The following LRBA variants were observed in gnomAD, a reference collection of about 807,000 sequenced individuals.
LRBA encodes the protein lipopolysaccharide-responsive and beige-like anchor protein.
In LRBA, 176 loss-of-function variants were observed where a neutral mutation model predicts 330.0. The observed-to-expected ratio is 0.53, with a 90% confidence interval of 0.47 to 0.60. The LOEUF is 0.60. Among genes scored for constraint, LRBA ranks in the 20% least tolerant of loss-of-function variants. The pLI is 0.00. For missense variants in LRBA, 3,259 were observed against 3,444.8 expected, an observed-to-expected ratio of 0.95 and a Z score of 1.35; for synonymous variants, 1,230 against 1,193.0, an observed-to-expected ratio of 1.03 and a Z score of -0.64.
intron 16 of LRBA, among the ~76,000 whole-genome samples, chr4:150,894,893 T>C (rs1447814577): frequency 1.3e-5 from 2 of 152,132 alleles, no homozygotes; most frequent in Non-Finnish European, 2.9e-5. Flanking sequence ...AATCTAAAAA[T>C]TAATAGAATT....
intron 40 of LRBA, among the ~76,000 whole-genome samples, chr4:150,556,463 G>A (rs1767326578): frequency 6.6e-6 from 1 of 152,130 alleles, no homozygotes; most frequent in Admixed American, 6.5e-5. Flanking sequence ...TACATAGTTG[G>A]CATACTGGCA....
intron 44 of LRBA, among the ~76,000 whole-genome samples, chr4:150,467,336 C>G (rs1193897597): frequency 6.6e-6 from 1 of 152,072 alleles, no homozygotes; most frequent in Admixed American, 6.6e-5. Context: ...CAATGTACCA[C>G]TGGATACCCC....
chr4:150,427,651 G>C (rs771945014), intron 46 of LRBA, among the ~76,000 whole-genome samples: 109 of 152,000 alleles, frequency 7.2e-4, no homozygotes, highest in Admixed American at 1.2e-3. Flanking sequence ...GCATGAATAA[G>C]GATAAGATTT....
At chr4:150,811,584 C>T (rs1298943990) in intron 31 of LRBA, among the ~76,000 whole-genome samples, 1 of 152,136 alleles carries the variant, frequency 6.6e-6, no homozygotes, top group African/African-American at 2.4e-5. Flanking sequence ...CTCACCACAG[C>T]CCTGAGTTCC....
At chr4:150,733,792 G>A (rs1730825211) in intron 36 of LRBA, among the ~76,000 whole-genome samples, 1 of 152,168 alleles carries the variant, frequency 6.6e-6, no homozygotes, top group South Asian at 2.1e-4. Context: ...GTTACTGACT[G>A]TCAAAGAAAA....
At position 150,979,958 on chromosome 4, in the gene LRBA, A is replaced by C. The variant is rs147010717; in HGVS notation, c.216+34469T>G. On this transcript the variant is annotated intron_variant, in intron 2 of 56. Transcript: ENST00000651943. Reference sequence around the variant, plus strand: ...AAAAATAGGGGAGGGAATACTTCCAAACTCATTCAACATGGCCAGTATTAC... The same window carrying C: ...AAAAATAGGGGAGGGAATACTTCCACACTCATTCAACATGGCCAGTATTAC... Among the ~76,000 whole-genome samples, 14 of 152,304 alleles carry C rather than the reference A, an allele frequency of 9.2e-5. No homozygotes were observed. In the East Asian group the frequency reaches 2.7e-3, roughly 29 times the overall value.
chr4:150,917,622 A>T (rs1407359411), intron 5 of LRBA, among the ~76,000 whole-genome samples: 1 of 152,160 alleles, frequency 6.6e-6, no homozygotes, highest in Non-Finnish European at 1.5e-5. Context: ...TTGTATAGCC[A>T]AAACAATCTT....
In LRBA at chr4:150,642,435, T is replaced by C. The variant is rs1778771977; in HGVS notation, c.5921+41116A>G. Among the ~76,000 whole-genome samples the C allele has an allele frequency of 2.6e-5, 4 of 152,020 alleles. 1 individual carries two copies. The South Asian group carries it at 8.3e-4, about 32-fold the overall frequency. On this transcript the variant is annotated intron_variant, in intron 37 of 56. Transcript: ENST00000651943. Reference sequence around the variant, plus strand: ...TTTCCATAAATTAATACTAAAATATTCATATTCCATTTTCTAAGGTAAACA... The same window carrying C: ...TTTCCATAAATTAATACTAAAATATCCATATTCCATTTTCTAAGGTAAACA...
At chr4:150,660,861 T>C (rs1581966341) in intron 37 of LRBA, among the ~76,000 whole-genome samples, 2 of 118,250 alleles carry the variant, frequency 1.7e-5, no homozygotes, top group Admixed American at 8.7e-5. Context: ...AAACAGATGC[T>C]TGAAGGCAGC....
intron 44 of LRBA, among the ~76,000 whole-genome samples, chr4:150,452,213 A>G (rs982866077): frequency 6.6e-6 from 1 of 152,210 alleles, no homozygotes; most frequent in Non-Finnish European, 1.5e-5. Context: ...ATACATCACA[A>G]TCTGGTTTAT....
chr4:150,871,517 G>T, intron 18 of LRBA, 64 bp from the exon 19 acceptor site: 1 of 891,396 alleles, frequency 1.1e-6, no homozygotes, highest in Non-Finnish European at 1.9e-6. Flanking sequence ...TAATATGCAT[G>T]CTGGATGAAG....
chr4:150,798,275 T>C (rs1741095138), intron 33 of LRBA, 133 bp from the exon 34 acceptor site: 2 of 601,294 alleles, frequency 3.3e-6, no homozygotes, highest in Admixed American at 2.6e-5. Flanking sequence ...CATGATCAAA[T>C]AAGGTACACT....
At chr4:150,775,805 G>GAAAAAAAAAAAAAAAAAAAAAAGAAAA (rs1737236648) in intron 34 of LRBA, among the ~76,000 whole-genome samples, 1 of 59,966 alleles carries the variant, frequency 1.7e-5, no homozygotes, top group Admixed American at 2.1e-4. Context: ...AAGAAAGAAT[G>GAAAAAAAAAAAAAAAAAAAAAAGAAAA]AAAAAAAAAA....
chr4:150,503,148 G>T (rs1760526814), intron 40 of LRBA, among the ~76,000 whole-genome samples: 2 of 152,242 alleles, frequency 1.3e-5, no homozygotes, highest in Non-Finnish European at 2.9e-5. Context: ...CAAACAAAAT[G>T]ACAGCAGTAA....
At chr4:150,678,601 G>A (rs1386659628) in intron 37 of LRBA, among the ~76,000 whole-genome samples, 1 of 152,102 alleles carries the variant, frequency 6.6e-6, no homozygotes, top group East Asian at 1.9e-4. Flanking sequence ...TCTTCCATTT[G>A]TTTTGTTAGC....
chr4:150,330,878 T>C (rs1272866360), intron 48 of LRBA, among the ~76,000 whole-genome samples: 1 of 152,206 alleles, frequency 6.6e-6, no homozygotes, highest in African/African-American at 2.4e-5. Flanking sequence ...GGAACCCTTA[T>C]GGCTCATCTA....
intron 2 of LRBA, among the ~76,000 whole-genome samples, chr4:150,988,454 T>C (rs1288051910): frequency 6.6e-6 from 1 of 152,218 alleles, no homozygotes; most frequent in Non-Finnish European, 1.5e-5. Flanking sequence ...GAGGCCATGA[T>C]GTCATTAGTT....
chr4:150,374,902 T>C (rs540768809), intron 47 of LRBA, among the ~76,000 whole-genome samples: 69 of 152,284 alleles, frequency 4.5e-4, no homozygotes, highest in African/African-American at 1.6e-3. Context: ...CCATAACTAA[T>C]ATACTCAGTG....
chr4:150,583,563 G>C lies in LRBA; in HGVS notation c.6330+4485C>G, dbSNP rs1771684771. On this transcript the variant is annotated intron_variant, in intron 40 of 56. Transcript: ENST00000651943. This position sits in a 1 kb window ranked among gnomAD's most constrained non-coding sequence, Gnocchi z 9.8. Reference sequence around the variant, plus strand: ...TCACTCCGGCGTTCAAGTGCACCGGGATCTGGCCTCGCAGCGCGGCACAGT... The same window carrying C: ...TCACTCCGGCGTTCAAGTGCACCGGCATCTGGCCTCGCAGCGCGGCACAGT... 1 of 1,613,874 alleles carries C rather than the reference G, an allele frequency of 6.2e-7. No individual in the cohort carries two copies. The highest frequency in any genetic ancestry group is 8.5e-7 in the Non-Finnish European group (1 of 1,179,912).
Sources: gnomAD v4.1 joint callset for allele counts (sites outside exome capture counted in the v4.1 genomes callset) on GRCh38, gnomAD v4.1.1 for gene constraint, Gnocchi (gnomAD v3.1) non-coding constraint, MANE v1.5 for transcripts, NCBI Gene and HGNC (gene_info 2026-07-23, HGNC 2026-07-21) for gene names.